The following ITGA6 variants were observed in gnomAD, a reference collection of about 807,000 sequenced individuals.
ITGA6 encodes integrin subunit alpha 6.
Under a neutral mutation model 133.6 loss-of-function variants are expected in ITGA6, and 63 were observed. The observed-to-expected ratio is 0.47, with a 90% CI of 0.38 to 0.58. The LOEUF (loss-of-function observed/expected upper bound fraction) is 0.58, where lower values mean the gene tolerates loss of function less well. ITGA6 is among the 20% of genes least tolerant of loss of function. ITGA6 has a pLI of 0.00. For missense variants in ITGA6, 1,068 were observed against 1,309.4 expected (o/e 0.82, Z 2.85); for synonymous variants, 434 against 482.0 (o/e 0.90, Z 1.30).
At chr2:172,498,940 C>T (rs1029802750) in intron 24 of ITGA6, among the ~76,000 whole-genome samples, 3 of 152,120 alleles carry the variant, frequency 2.0e-5, no homozygotes, top group South Asian at 2.1e-4. Context: ...AATTTCACTG[C>T]AGAAATACTA....
Position 172,457,306 on chromosome 2 carries a change from A to AAAAAAC in ITGA6, c.183-8228_183-8227insCAAAAA, listed in dbSNP as rs796681416. On this transcript the variant is annotated intron_variant, in intron 1 of 25. Coordinates refer to ENST00000684293, the MANE Select transcript of ITGA6 (RefSeq NM_000210.4). Reference sequence around the variant, plus strand: ...CGAGATTCTGTCTCCAAAAAAAAAAAAAAAAAAAAGAAGCAAAGAAATTTA... The same window carrying AAAAAAC: ...CGAGATTCTGTCTCCAAAAAAAAAAAAAAAACAAAAAAAAAGAAGCAAAGAAATTTA... Among the ~76,000 whole-genome samples, 5 of 151,738 alleles carry AAAAAAC rather than the reference A, an allele frequency of 3.3e-5. No individual in the cohort carries two copies. In the East Asian group the frequency reaches 9.7e-4, roughly 29 times the overall value.
At chr2:172,459,178 A>G (rs1685329286) in intron 1 of ITGA6, among the ~76,000 whole-genome samples, 2 of 152,198 alleles carry the variant, frequency 1.3e-5, no homozygotes, top group Admixed American at 1.3e-4. Flanking sequence ...TAGGCTCACC[A>G]TCATGCTGTT....
chr2:172,465,900 A>G (rs901754048), intron 2 of ITGA6: 4 of 601,808 alleles, frequency 6.6e-6, no homozygotes, highest in Admixed American at 2.8e-5. Flanking sequence ...GATATGGTGT[A>G]GGGATGTTGC....
chr2:172,482,614 TTTG>T (rs1686496255), intron 11 of ITGA6, among the ~76,000 whole-genome samples: 1 of 89,250 alleles, frequency 1.1e-5, no homozygotes, highest in Non-Finnish European at 2.2e-5. Context: ...CTCCCATACT[TTTG>T]CTGTGAGGGG....
chr2:172,459,610 T>C (rs572198754), intron 1 of ITGA6, among the ~76,000 whole-genome samples: 14 of 151,950 alleles, frequency 9.2e-5, no homozygotes, highest in Non-Finnish European at 1.9e-4. Context: ...CTGAAGAAAA[T>C]GTTTTTCAAC....
chr2:172,452,363 T>G (rs927457222), intron 1 of ITGA6, among the ~76,000 whole-genome samples: 1 of 152,116 alleles, frequency 6.6e-6, no homozygotes, highest in African/African-American at 2.4e-5. Context: ...AAGTCTTGTC[T>G]AAAGGTGTGA....
intron 11 of ITGA6, chr2:172,480,881 A>G (rs1686413657): frequency 1.3e-5 from 2 of 152,182 alleles, no homozygotes; most frequent in African/African-American, 4.8e-5. Context: ...GACACCGTTA[A>G]TGATACTCTT....
At chr2:172,454,535 T>C (rs1685138622) in intron 1 of ITGA6, among the ~76,000 whole-genome samples, 1 of 152,078 alleles carries the variant, frequency 6.6e-6, no homozygotes, top group Non-Finnish European at 1.5e-5. Context: ...TAACCTGAAA[T>C]ACTTTTACCT....
intron 1 of ITGA6, among the ~76,000 whole-genome samples, chr2:172,446,573 T>A (rs1553528311): frequency 6.6e-6 from 1 of 152,246 alleles, no homozygotes; most frequent in Non-Finnish European, 1.5e-5. Flanking sequence ...GAGCTCACAA[T>A]CCAAGTGTGT....
At chr2:172,453,262 C>T (rs909091808) in intron 1 of ITGA6, among the ~76,000 whole-genome samples, 11 of 151,978 alleles carry the variant, frequency 7.2e-5, no homozygotes, top group African/African-American at 2.4e-4. Flanking sequence ...CGCAGTGGCT[C>T]ATACCTGTAA....
At chr2:172,461,038 G>A (rs1299447534) in intron 1 of ITGA6, among the ~76,000 whole-genome samples, 1 of 152,202 alleles carries the variant, frequency 6.6e-6, no homozygotes, top group Non-Finnish European at 1.5e-5. Flanking sequence ...TCTCTTTGGG[G>A]GAGAACTTGA....
chr2:172,492,417 T>C (rs1358449843), intron 23 of ITGA6, among the ~76,000 whole-genome samples: 1 of 152,230 alleles, frequency 6.6e-6, no homozygotes, highest in African/African-American at 2.4e-5. Context: ...CCTTTAAGTG[T>C]ATCCTTACAT....
chr2:172,455,156 C>T (rs1046397585), intron 1 of ITGA6, among the ~76,000 whole-genome samples: 2 of 152,182 alleles, frequency 1.3e-5, no homozygotes, highest in African/African-American at 2.4e-5. Context: ...TTTTAAGCCA[C>T]TAAGTTTGCG....
chr2:172,490,511 A>T (rs1201957433), intron 20 of ITGA6, among the ~76,000 whole-genome samples: 5 of 152,260 alleles, frequency 3.3e-5, no homozygotes, highest in Non-Finnish European at 5.9e-5. Context: ...ATAATCGGTT[A>T]TTACTAATCT....
chr2:172,440,485 G>A (rs533255185), intron 1 of ITGA6, among the ~76,000 whole-genome samples: 34 of 152,144 alleles, frequency 2.2e-4, no homozygotes, highest in Non-Finnish European at 1.6e-4. Context: ...TTTCTTGCCC[G>A]GAAATGATGT....
At chr2:172,454,076 T>TG (rs1241872453) in intron 1 of ITGA6, among the ~76,000 whole-genome samples, 1 of 138,648 alleles carries the variant, frequency 7.2e-6, no homozygotes, top group Non-Finnish European at 1.5e-5. Context: ...GGAAGTTTTT[T>TG]TTTTGTTTTG....
chr2:172,495,941 C>G (rs1161474863), intron 23 of ITGA6, among the ~76,000 whole-genome samples: 2 of 152,220 alleles, frequency 1.3e-5, no homozygotes, highest in African/African-American at 4.8e-5. Context: ...AGACCAGTTT[C>G]CACTCTCCAC....
chr2:172,489,174 C>T (rs1686815948), intron 19 of ITGA6, among the ~76,000 whole-genome samples: 1 of 152,218 alleles, frequency 6.6e-6, no homozygotes, highest in Admixed American at 6.5e-5. Context: ...TTCACAAATT[C>T]ACACATGATT....
At chr2:172,479,587 C>A in intron 9 of ITGA6, 54 bp from the exon 10 acceptor site, 1 of 1,389,414 alleles carries the variant, frequency 7.2e-7, no homozygotes, top group Non-Finnish European at 1.0e-6. Context: ...GTGAATTAGA[C>A]TCACATTCAA....
Sources: allele counts gnomAD v4.1 joint callset (sites outside exome capture counted in the v4.1 genomes callset), GRCh38; gene constraint gnomAD v4.1.1; transcripts MANE v1.5; gene names NCBI Gene and HGNC (gene_info 2026-07-23, HGNC 2026-07-21).